ACOX2: variants seen among roughly 807,000 people sequenced by gnomAD.
The protein encoded by ACOX2 is acyl-CoA oxidase 2.
Under a neutral mutation model 77.5 loss-of-function variants are expected in ACOX2, and 59 were observed. That is an observed-to-expected ratio of 0.76 (90% CI 0.62 to 0.95). The LOEUF (loss-of-function observed/expected upper bound fraction) is 0.95. Ranked by LOEUF, ACOX2 falls within the 40% of genes least tolerant of loss-of-function variation. The pLI, the probability that ACOX2 is intolerant of heterozygous loss-of-function variation, is 0.00. For missense variants in ACOX2, 837 were observed against 880.4 expected (o/e 0.95, Z 0.62); for synonymous variants, 317 against 340.1 (o/e 0.93, Z 0.75).
chr3:58,518,075 CAAAA>C (rs763535906), intron 12 of ACOX2, among the ~76,000 whole-genome samples: 2 of 47,678 alleles, frequency 4.2e-5, no homozygotes, highest in African/African-American at 2.1e-4. Flanking sequence ...AACTCCATCT[CAAAA>C]AAAAAAAAAA....
chr3:58,531,889 G>A lies in ACOX2; in HGVS notation c.584-77C>T. On this transcript the variant is annotated intron_variant, in intron 5 of 14. Transcript: ENST00000302819. The surrounding 1 kb of genome is among the most constrained non-coding windows in gnomAD (Gnocchi z 5.8). ...TTCCCAACCAACCCAGCCTCCTGGG[G>A]CTGGGGTTTTGGATGGGTACCTCTG... 1 of 1,507,424 alleles carries A rather than the reference G, an allele frequency of 6.6e-7. No homozygotes were observed. The highest frequency in any genetic ancestry group is 2.1e-4 in the Middle Eastern group (1 of 4,768). The allele number at this position is 1,507,424 out of a possible 1,614,324, so 93.4% of individuals were successfully genotyped here. A position where few individuals can be genotyped will look rare whatever the true frequency, so the allele number is the denominator to read the frequency against.
At position 58,534,761 on chromosome 3, in the gene ACOX2, C is replaced by T; in HGVS notation, c.160+186G>A. The T allele has an allele frequency of 7.5e-7, 1 of 1,330,118 alleles. No individual in the cohort carries two copies. The highest frequency in any genetic ancestry group is 1.1e-6 in the Non-Finnish European group (1 of 949,740). 82.4% of individuals were successfully genotyped at this position (1,330,118 alleles called of 1,614,324 possible). ...TCTGCTGCCTAGGACTCTTCTATCC[C>T]CTAGGTGGGCTCAGGCAATATTGAC... On this transcript the variant is annotated intron_variant, in intron 2 of 14. Coordinates refer to ENST00000302819, the MANE Select transcript of ACOX2 (RefSeq NM_003500.4). The surrounding 1 kb of genome is among the most constrained non-coding windows in gnomAD (Gnocchi z 4.8).
At chr3:58,532,152 G>C (rs1355871953) in intron 5 of ACOX2, among the ~76,000 whole-genome samples, 1 of 152,152 alleles carries the variant, frequency 6.6e-6, no homozygotes, top group Non-Finnish European at 1.5e-5. Flanking sequence ...GCAGGGGAGA[G>C]AGGATGATGA....
Position 58,535,360 on chromosome 3 carries a change from T to C in ACOX2, c.-91-163A>G, listed in dbSNP as rs2063474272. Reference sequence around the variant, plus strand: ...GCATGGTAGGCATGGTATGCAGCCATTGCTTGGTACATGTTTGTTCAATAC... The same window carrying C: ...GCATGGTAGGCATGGTATGCAGCCACTGCTTGGTACATGTTTGTTCAATAC... On this transcript the variant is annotated intron_variant, in intron 1 of 14. Transcript: ENST00000302819. The surrounding 1 kb of genome is among the most constrained non-coding windows in gnomAD (Gnocchi z 4.8). 3.7e-6 allele frequency: 2 copies of C among 544,604 alleles called. No homozygotes were observed. 33.7% of individuals were successfully genotyped at this position (544,604 alleles called of 1,614,324 possible).
rs183709752 is a variant in ACOX2 at position 58,526,334 on chromosome 3, A to T, written c.1346+132T>A. 3.5e-5 allele frequency: 37 copies of T among 1,052,912 alleles called. No homozygotes were observed. The East Asian group carries it at 8.9e-4, about 25-fold the overall frequency. 65.2% of individuals were successfully genotyped at this position (1,052,912 alleles called of 1,614,324 possible). ...GTGGATAGGTTAGTCATACTGGGGA[A>T]TTGGACAGCTCCCAAATAGCACTTC... On this transcript the variant is annotated intron_variant, in intron 10 of 14. Coordinates refer to ENST00000302819, the MANE Select transcript of ACOX2 (RefSeq NM_003500.4). The surrounding 1 kb of genome is among the most constrained non-coding windows in gnomAD (Gnocchi z 4.3).
In ACOX2 at chr3:58,533,844, C is replaced by G; in HGVS notation, c.475+150G>C. ...AAATTAGAAGGTGGCACCCCTTCCT[C>G]AGGACCCTTGACTGCCAGCTGCTGG... On this transcript the variant is annotated intron_variant, in intron 4 of 14. Transcript: ENST00000302819. The surrounding 1 kb of genome is among the most constrained non-coding windows in gnomAD (Gnocchi z 5.6). The G allele has an allele frequency of 9.3e-7, 1 of 1,074,286 alleles. No individual in the cohort carries two copies. Among genetic ancestry groups the G allele is most frequent in the Non-Finnish European group, 1.3e-6 (1 of 758,738 alleles). 66.5% of individuals were successfully genotyped at this position (1,074,286 alleles called of 1,614,324 possible). A position where few individuals can be genotyped will look rare whatever the true frequency, so the allele number is the denominator to read the frequency against.
Position 58,530,711 on chromosome 3 carries a change from G to A in ACOX2, c.820-73C>T, listed in dbSNP as rs1313553671. Reference sequence around the variant, plus strand: ...GATGCCCTCGCTTCTCCAGAGCTGTGGGGCTCCACACATGGAGGGCACCTC... The same window carrying A: ...GATGCCCTCGCTTCTCCAGAGCTGTAGGGCTCCACACATGGAGGGCACCTC... On this transcript the variant is annotated intron_variant, in intron 7 of 14. Coordinates refer to ENST00000302819, the MANE Select transcript of ACOX2 (RefSeq NM_003500.4). The A allele has an allele frequency of 2.7e-5, 40 of 1,493,342 alleles. No homozygotes were observed. In the South Asian group the frequency reaches 4.0e-4, roughly 15 times the overall value. 92.5% of individuals were successfully genotyped at this position (1,493,342 alleles called of 1,614,324 possible).
rs1298523537 is a variant in ACOX2 at position 58,514,900 on chromosome 3, C to A, written c.1850+2306G>T. 1.3e-5 allele frequency among the ~76,000 whole-genome samples: 2 copies of A among 152,202 alleles called. No individual in the cohort carries two copies. Among genetic ancestry groups the A allele is most frequent in the Non-Finnish European group, 2.9e-5 (2 of 68,038 alleles). The stretch of plus-strand genomic sequence containing the variant: ...TGGACACCCTTGGGCTTGAACTGTG[C>A]AGTACTTAATTATGCTCTTAATAGT... On this transcript the variant is annotated intron_variant, in intron 13 of 14. Transcript: ENST00000302819. This position sits in a 1 kb window ranked among gnomAD's most constrained non-coding sequence, Gnocchi z 4.3.
At position 58,534,330 on chromosome 3, in the gene ACOX2, C is replaced by T. The variant is rs759316926; in HGVS notation, c.323+30G>A. On this transcript the variant is annotated intron_variant, in intron 3 of 14. Transcript: ENST00000302819. The surrounding 1 kb of genome is among the most constrained non-coding windows in gnomAD (Gnocchi z 4.8). Reference sequence around the variant, plus strand: ...TCCAGGTGATCCCAGGTAGATCCCTCTCTAGTGGGGCTGCTCGAGGAGTGA... The same window carrying T: ...TCCAGGTGATCCCAGGTAGATCCCTTTCTAGTGGGGCTGCTCGAGGAGTGA... The T allele has an allele frequency of 2.5e-6, 4 of 1,612,630 alleles. No individual in the cohort carries two copies. The South Asian group carries it at 4.4e-5, about 18-fold the overall frequency.
chr3:58,532,535 G>A (rs904782699), intron 5 of ACOX2, among the ~76,000 whole-genome samples: 13 of 151,966 alleles, frequency 8.6e-5, no homozygotes, highest in South Asian at 4.2e-4. Flanking sequence ...ACAGATGCCC[G>A]CCACCACACA....
At position 58,512,567 on chromosome 3, in the gene ACOX2, C is replaced by T. The variant is rs1405156805; in HGVS notation, c.1851-3542G>A. ...TCTACCTTACCGTCTCTTCCCACCCCCTACTGTACTCCCTTAACTCTCTGC... is the reference window on the plus strand; with the variant it reads ...TCTACCTTACCGTCTCTTCCCACCCTCTACTGTACTCCCTTAACTCTCTGC... On this transcript the variant is annotated intron_variant, in intron 13 of 14. Transcript: ENST00000302819. This position sits in a 1 kb window ranked among gnomAD's most constrained non-coding sequence, Gnocchi z 4.8. Among the ~76,000 whole-genome samples, 2 of 152,176 alleles carry T rather than the reference C, an allele frequency of 1.3e-5. No homozygotes were observed. Among genetic ancestry groups the T allele is most frequent in the Non-Finnish European group, 2.9e-5 (2 of 68,028 alleles).
chr3:58,524,445 A>C lies in ACOX2; in HGVS notation c.1507T>G (p.Trp503Gly). The C allele has an allele frequency of 6.2e-7, 1 of 1,613,908 alleles. No homozygotes were observed. The highest frequency in any genetic ancestry group is 8.5e-7 in the Non-Finnish European group (1 of 1,179,792). ...FLCPELYTTA[W>G]AHVAVRLIKD... ...GCTTACCTTACTGCCACATGTGCCC[A>C]GGCCGTGGTGTAGAGCTCCGGGCAG... Residue 503 changes from tryptophan (W) to glycine (G), a missense_variant, in exon 11 of 15, where the codon TGG becomes GGG. Transcript: ENST00000302819. This position sits in a 1 kb window ranked among gnomAD's most constrained non-coding sequence, Gnocchi z 5.5.
Position 58,531,657 on chromosome 3 carries a change from C to T in ACOX2, c.703+36G>A. On this transcript the variant is annotated intron_variant, in intron 6 of 14. Coordinates refer to ENST00000302819, the MANE Select transcript of ACOX2 (RefSeq NM_003500.4). This position sits in a 1 kb window ranked among gnomAD's most constrained non-coding sequence, Gnocchi z 5.8. ...CAGGGAGGCCACCTGGGCTCTCCTC[C>T]TGGCAGGGTTCCTTGAGGGAGCATT... 2 of 1,606,784 alleles carry T rather than the reference C, an allele frequency of 1.2e-6. No homozygotes were observed. Among genetic ancestry groups the T allele is most frequent in the Admixed American group, 3.4e-5 (2 of 59,262 alleles).
Position 58,521,179 on chromosome 3 carries a change from C to A in ACOX2, c.1632+1317G>T, listed in dbSNP as rs904036754. Among the ~76,000 whole-genome samples the A allele has an allele frequency of 5.9e-5, 9 of 152,174 alleles. No individual in the cohort carries two copies. Among genetic ancestry groups the A allele is most frequent in the Admixed American group, 5.9e-4 (9 of 15,280 alleles). On this transcript the variant is annotated intron_variant, in intron 12 of 14. Transcript: ENST00000302819. This position sits in a 1 kb window ranked among gnomAD's most constrained non-coding sequence, Gnocchi z 4.8. ...CAGCAGGGGGTGCCCCTGCTGTAGG[C>A]TGAGCAGAACTGAGGGCTGCAGAGG...
In ACOX2 at chr3:58,524,421, C is replaced by T; in HGVS notation, c.1526+5G>A. On this transcript the variant is annotated splice_donor_5th_base_variant and intron_variant, in intron 11 of 14. Transcript: ENST00000302819. The surrounding 1 kb of genome is among the most constrained non-coding windows in gnomAD (Gnocchi z 5.5). The stretch of plus-strand genomic sequence containing the variant: ...GGGATGGCTGATTTCTCAGCACTGG[C>T]TTACCTTACTGCCACATGTGCCCAG... 2 of 1,611,774 alleles carry T rather than the reference C, an allele frequency of 1.2e-6. No individual in the cohort carries two copies. The highest frequency in any genetic ancestry group is 1.7e-6 in the Non-Finnish European group (2 of 1,178,114).
Position 58,524,605 on chromosome 3 carries a change from C to G in ACOX2, c.1347G>C (p.Arg449Ser), listed in dbSNP as rs772640701. ...TCTGCAGGTAGCTCTTCACCAGGAA[C>G]CTGGGGGTTGGAAGAGGAGGCAGGT... is the stretch of plus-strand genomic sequence containing the variant. ...ENTVLYLQVA[R>S]FLVKSYLQTQ... The change falls in exon 11 of 15, where the codon AGG becomes AGC. Residue 449 changes from arginine to serine, a missense_variant and splice_region_variant. Coordinates refer to ENST00000302819, the MANE Select transcript of ACOX2 (RefSeq NM_003500.4). This position sits in a 1 kb window ranked among gnomAD's most constrained non-coding sequence, Gnocchi z 5.5. 3 of 1,613,726 alleles carry G rather than the reference C, an allele frequency of 1.9e-6. No individual in the cohort carries two copies. The Admixed American group carries it at 5.0e-5, about 27-fold the overall frequency.
In ACOX2 at chr3:58,528,998, G is replaced by A. The variant is rs760371540; in HGVS notation, c.993-42C>T. On this transcript the variant is annotated intron_variant, in intron 8 of 14. Coordinates refer to ENST00000302819, the MANE Select transcript of ACOX2 (RefSeq NM_003500.4). The surrounding 1 kb of genome is among the most constrained non-coding windows in gnomAD (Gnocchi z 5.6). ...CAGAAGATTTAGATCACTACCTGTT[G>A]TGTCCACCTTCCCCTATCCCCGACA... 5 of 1,540,202 alleles carry A rather than the reference G, an allele frequency of 3.2e-6. No individual in the cohort carries two copies. The highest frequency in any genetic ancestry group is 1.3e-5 in the South Asian group (1 of 77,360).
At chr3:58,506,078 A>C (rs2063231974) in intron 14 of ACOX2, among the ~76,000 whole-genome samples, 1 of 152,208 alleles carries the variant, frequency 6.6e-6, no homozygotes, top group South Asian at 2.1e-4. Context: ...GGCTTGAGCC[A>C]CTGCACTCAG....
At position 58,526,778 on chromosome 3, in the gene ACOX2, C is replaced by T; in HGVS notation, c.1156-122G>A. The T allele has an allele frequency of 3.8e-6, 4 of 1,066,436 alleles. No homozygotes were observed. Among genetic ancestry groups the T allele is most frequent in the Non-Finnish European group, 5.3e-6 (4 of 748,826 alleles). 66.1% of individuals were successfully genotyped at this position (1,066,436 alleles called of 1,614,324 possible). A position where few individuals can be genotyped will look rare whatever the true frequency, so the allele number is the denominator to read the frequency against. On this transcript the variant is annotated intron_variant, in intron 9 of 14. Transcript: ENST00000302819. This position sits in a 1 kb window ranked among gnomAD's most constrained non-coding sequence, Gnocchi z 4.3. ...CTCAGCTCTGAGGTAAGAAGTGTTTCCTCTGCTCACAACTTTATGAATGAG... is the reference window on the plus strand; with the variant it reads ...CTCAGCTCTGAGGTAAGAAGTGTTTTCTCTGCTCACAACTTTATGAATGAG...
Sources: allele counts gnomAD v4.1 joint callset (sites outside exome capture counted in the v4.1 genomes callset), GRCh38; gene constraint gnomAD v4.1.1; non-coding constraint Gnocchi (gnomAD v3.1); transcripts MANE v1.5; gene names NCBI Gene and HGNC (gene_info 2026-07-23, HGNC 2026-07-21).